GLCCI1: variants seen among roughly 807,000 people sequenced by gnomAD.
The protein encoded by GLCCI1 is glucocorticoid induced 1.
Under a neutral mutation model 52.2 loss-of-function variants are expected in GLCCI1, and 24 were observed. The observed-to-expected ratio is 0.46, with a 90% CI of 0.33 to 0.65. GLCCI1 has a LOEUF of 0.65. GLCCI1 is among the 30% of genes least tolerant of loss of function. GLCCI1 has a pLI of 0.02. For missense variants in GLCCI1, 704 were observed against 701.5 expected (o/e 1.00, Z -0.04); for synonymous variants, 310 against 276.5 (o/e 1.12, Z -1.20).
chr7:8,057,355 A>G (rs983971984), intron 4 of GLCCI1, among the ~76,000 whole-genome samples: 3 of 152,204 alleles, frequency 2.0e-5, no homozygotes, highest in Admixed American at 6.5e-5. Flanking sequence ...GCATCCATGC[A>G]ATACTGTAGG....
At chr7:8,069,943 TAAC>T (rs1782719480) in intron 5 of GLCCI1, 1 of 152,248 alleles carries the variant, frequency 6.6e-6, no homozygotes, top group African/African-American at 2.4e-5. Flanking sequence ...GTGTGTTTAA[TAAC>T]AACAAATATT....
At chr7:8,049,661 C>G (rs944980450) in intron 3 of GLCCI1, among the ~76,000 whole-genome samples, 1 of 152,230 alleles carries the variant, frequency 6.6e-6, no homozygotes, top group South Asian at 2.1e-4. Flanking sequence ...ATTATTATTT[C>G]AGTTTCACGG....
At chr7:8,069,627 C>T (rs1584018041) in intron 5 of GLCCI1, among the ~76,000 whole-genome samples, 3 of 152,206 alleles carry the variant, frequency 2.0e-5, no homozygotes, top group Admixed American at 2.0e-4. Context: ...GTCATGCTAG[C>T]AGTGCAAGTA....
intron 6 of GLCCI1, among the ~76,000 whole-genome samples, chr7:8,075,958 T>C (rs978996334): frequency 8.5e-5 from 13 of 152,138 alleles, no homozygotes; most frequent in Non-Finnish European, 1.8e-4. Context: ...GGACTGAGCC[T>C]CCCTTGGTCT....
chr7:8,001,355 T>G (rs1781045912), intron 1 of GLCCI1, among the ~76,000 whole-genome samples: 1 of 152,226 alleles, frequency 6.6e-6, no homozygotes. Flanking sequence ...TTAAGAATGT[T>G]GAATATCGGC....
intron 6 of GLCCI1, among the ~76,000 whole-genome samples, chr7:8,074,725 T>A (rs1782838965): frequency 6.6e-6 from 1 of 152,216 alleles, no homozygotes; most frequent in Non-Finnish European, 1.5e-5. Flanking sequence ...GTATGTTTTC[T>A]ACAATAAATC....
At chr7:8,079,210 G>C (rs989138978) in intron 6 of GLCCI1, among the ~76,000 whole-genome samples, 2 of 151,890 alleles carry the variant, frequency 1.3e-5, no homozygotes, top group Non-Finnish European at 2.9e-5. Flanking sequence ...ATTGTTTCAT[G>C]CCTCTCTTAT....
rs188156698 is a variant in GLCCI1 at position 8,021,797 on chromosome 7, A to T, written c.610-686A>T. On this transcript the variant is annotated intron_variant, in intron 2 of 7. Coordinates refer to ENST00000223145, the MANE Select transcript of GLCCI1 (RefSeq NM_138426.4). ...GATTTGTGTTACATTTGAGGATAGT[A>T]TCTATTAATGGCTAAATAACTGAAA... is the stretch of plus-strand genomic sequence containing the variant. Among the ~76,000 whole-genome samples the T allele has an allele frequency of 6.6e-5, 10 of 152,368 alleles. No homozygotes were observed. The East Asian group carries it at 1.9e-3, about 29-fold the overall frequency.
intron 3 of GLCCI1, 79 bp from the exon 4 acceptor site, chr7:8,055,354 C>T (rs1309969931): frequency 1.3e-6 from 1 of 795,404 alleles, no homozygotes; most frequent in African/African-American, 1.8e-5. Flanking sequence ...TAATCAGTAC[C>T]CCAAAACTGA....
At chr7:8,015,075 G>A (rs1781349356) in intron 2 of GLCCI1, among the ~76,000 whole-genome samples, 1 of 152,146 alleles carries the variant, frequency 6.6e-6, no homozygotes, top group Non-Finnish European at 1.5e-5. Flanking sequence ...AACAGATCCA[G>A]ACTAAGTAGT....
Position 7,969,533 on chromosome 7 carries a change from G to T in GLCCI1, c.183G>T (p.Leu61=). 4 of 995,596 alleles carry T rather than the reference G, an allele frequency of 4.0e-6. No individual in the cohort carries two copies. Among genetic ancestry groups the T allele is most frequent in the Non-Finnish European group, 4.8e-6 (4 of 838,288 alleles). The allele number at this position is 995,596 out of a possible 1,614,324, so 61.7% of individuals were successfully genotyped here. A position where few individuals can be genotyped will look rare whatever the true frequency, so the allele number is the denominator to read the frequency against. ...CAPAAGAGRL[L]QPIRATVPYQ... is the part of the protein sequence containing the mutation. ...CGGCTGCGGGAGCCGGCCGGCTGCT[G>T]CAGCCCATCCGCGCCACGGTGCCCT... Residue 61 remains leucine (L), a synonymous_variant, in exon 1 of 8, where the codon CTG becomes CTT. Coordinates refer to ENST00000223145, the MANE Select transcript of GLCCI1 (RefSeq NM_138426.4). This position sits in a 1 kb window ranked among gnomAD's most constrained non-coding sequence, Gnocchi z 4.9.
At chr7:8,020,659 T>C (rs1423911563) in intron 2 of GLCCI1, among the ~76,000 whole-genome samples, 18 of 152,172 alleles carry the variant, frequency 1.2e-4, no homozygotes, top group Non-Finnish European at 2.4e-4. Flanking sequence ...ATTATAAATG[T>C]TGATTTTGAA....
At chr7:7,980,006 G>T (rs1054226857) in intron 1 of GLCCI1, among the ~76,000 whole-genome samples, 1 of 151,998 alleles carries the variant, frequency 6.6e-6, no homozygotes, top group Non-Finnish European at 1.5e-5. Context: ...CACAATCTTG[G>T]CTCACTGTAA....
chr7:8,050,899 G>C (rs1182848662), intron 3 of GLCCI1, among the ~76,000 whole-genome samples: 1 of 152,110 alleles, frequency 6.6e-6, no homozygotes, highest in Non-Finnish European at 1.5e-5. Flanking sequence ...CCTATCTCAT[G>C]TGCTTTTGTT....
At position 7,969,366 on chromosome 7, in the gene GLCCI1, T is replaced by A; in HGVS notation, c.16T>A (p.Ser6Thr). 6.8e-7 allele frequency: 1 copy of A among 1,478,864 alleles called. No individual in the cohort carries two copies. The highest frequency in any genetic ancestry group is 9.0e-7 in the Non-Finnish European group (1 of 1,115,116). The allele number at this position is 1,478,864 out of a possible 1,614,324, so 91.6% of individuals were successfully genotyped here. A position where few individuals can be genotyped will look rare whatever the true frequency, so the allele number is the denominator to read the frequency against. The change falls in exon 1 of 8, where the codon TCC becomes ACC. Residue 6 changes from serine (S) to threonine (T), a missense_variant. By Grantham distance (58) the Ser-to-Thr change is moderately conservative (BLOSUM62 1). Transcript: ENST00000223145. This position sits in a 1 kb window ranked among gnomAD's most constrained non-coding sequence, Gnocchi z 4.9. MSTAS[S>T]SSSSSSSQTP... is the part of the protein sequence containing the mutation. ...CAGAGCCACCATGTCCACTGCCTCC[T>A]CCTCCTCCTCCTCCAGTTCCTCTCA...
intron 2 of GLCCI1, among the ~76,000 whole-genome samples, chr7:8,012,519 A>G (rs1360289693): frequency 1.6e-5 from 2 of 127,420 alleles, no homozygotes; most frequent in Middle Eastern, 0.01. Context: ...ATCTCGGCTC[A>G]CTGCAAGCTC....
chr7:8,014,525 GTTC>G, intron 2 of GLCCI1, among the ~76,000 whole-genome samples: 1 of 152,268 alleles, frequency 6.6e-6, no homozygotes, highest in South Asian at 2.1e-4. Flanking sequence ...TCAGCAATGA[GTTC>G]TTAATTTTTT....
intron 1 of GLCCI1, among the ~76,000 whole-genome samples, chr7:7,977,004 G>C (rs1051280023): frequency 6.6e-6 from 1 of 151,472 alleles, no homozygotes; most frequent in Non-Finnish European, 1.5e-5. Flanking sequence ...ACAACTTCCT[G>C]TCTAGTGTTA....
chr7:8,057,535 C>T (rs1330019457), intron 4 of GLCCI1, among the ~76,000 whole-genome samples: 5 of 151,958 alleles, frequency 3.3e-5, no homozygotes, highest in Non-Finnish European at 7.4e-5. Flanking sequence ...TGCGGATTGA[C>T]CACAGAGAGG....
Sources: allele counts gnomAD v4.1 joint callset (sites outside exome capture counted in the v4.1 genomes callset), GRCh38; gene constraint gnomAD v4.1.1; non-coding constraint Gnocchi (gnomAD v3.1); transcripts MANE v1.5; gene names NCBI Gene and HGNC (gene_info 2026-07-23, HGNC 2026-07-21).